GGTA1: variants seen among roughly 807,000 people sequenced by gnomAD.
The protein encoded by GGTA1 is glycoprotein alpha-galactosyltransferase 1 (inactive).
A neutral mutation model predicts 2.6 loss-of-function variants in GGTA1; 5 were observed. That is an observed-to-expected ratio of 1.92 (90% CI 1.00 to 4.04). The LOEUF (loss-of-function observed/expected upper bound fraction) is 4.04. Ranked by LOEUF, GGTA1 falls within the 30% of genes most tolerant of loss-of-function variation. GGTA1 has a pLI of 0.00. For missense variants in GGTA1, 50 were observed against 16.7 expected, an observed-to-expected ratio of 2.99 and a Z score of -3.47; for synonymous variants, 17 against 5.0, an observed-to-expected ratio of 3.38 and a Z score of -3.19.
chr9:121,449,031 T>G (rs1238575526), intron 7 of GGTA1, among the ~76,000 whole-genome samples: 3 of 152,250 alleles, frequency 2.0e-5, no homozygotes, highest in Non-Finnish European at 2.9e-5. Flanking sequence ...CTCCATAGTT[T>G]TACCTTTTCC....
intron 1 of GGTA1, among the ~76,000 whole-genome samples, chr9:121,493,316 C>T (rs1828912381): frequency 2.0e-5 from 3 of 152,098 alleles, no homozygotes; most frequent in Non-Finnish European, 4.4e-5. Flanking sequence ...CCTCCATTCC[C>T]TACCTGTGCC....
At chr9:121,456,669 GCCT>G (rs1347624290) in intron 5 of GGTA1, among the ~76,000 whole-genome samples, 1 of 152,102 alleles carries the variant, frequency 6.6e-6, no homozygotes, top group Non-Finnish European at 1.5e-5. Context: ...ACCCACCTTG[GCCT>G]CCCAAAGTGC....
chr9:121,453,082 C>T (rs529036002), downstream of GGTA1, among the ~76,000 whole-genome samples: 8 of 152,308 alleles, frequency 5.3e-5, no homozygotes, highest in South Asian at 1.7e-3. Flanking sequence ...TTCCATTTGC[C>T]TTTTGCTAGA....
chr9:121,453,461 G>A (rs999300849), downstream of GGTA1, among the ~76,000 whole-genome samples: 6 of 147,788 alleles, frequency 4.1e-5, no homozygotes, highest in African/African-American at 1.5e-4. Flanking sequence ...TGAGGGTGAA[G>A]CTCCAGGCAG....
chr9:121,485,595 G>T (rs532938486), intron 1 of GGTA1, among the ~76,000 whole-genome samples: 5 of 152,292 alleles, frequency 3.3e-5, no homozygotes, highest in East Asian at 3.9e-4. Flanking sequence ...TGAAGACAAG[G>T]TTCCCCAAAC....
chr9:121,477,634 G>A (rs529808247), intron 1 of GGTA1, among the ~76,000 whole-genome samples: 1 of 131,038 alleles, frequency 7.6e-6, no homozygotes, highest in South Asian at 2.4e-4. Flanking sequence ...GGAGTGCAGT[G>A]GCACAATCCC....
chr9:121,474,080 G>C (rs1029494498), intron 1 of GGTA1, among the ~76,000 whole-genome samples: 2 of 152,028 alleles, frequency 1.3e-5, no homozygotes, highest in South Asian at 2.1e-4. Context: ...TCCTTTCAAG[G>C]GGTGGAGCAC....
chr9:121,481,528 C>G (rs1231783305), intron 1 of GGTA1, among the ~76,000 whole-genome samples: 2 of 150,692 alleles, frequency 1.3e-5, no homozygotes, highest in African/African-American at 2.4e-5. Context: ...ACTAAAAATA[C>G]AAAAATTAGC....
chr9:121,472,873 C>T (rs765447568), intron 1 of GGTA1, among the ~76,000 whole-genome samples: 1 of 152,176 alleles, frequency 6.6e-6, no homozygotes, highest in Non-Finnish European at 1.5e-5. Context: ...TCAGACATAC[C>T]TCCAAATCCC....
chr9:121,447,449 C>A (rs10985245), exon 8 of GGTA1: 8,747 of 152,620 alleles, frequency 0.057, 272 homozygotes, highest in East Asian at 0.11. Flanking sequence ...GGCTTGACCT[C>A]AAACATTTTG....
intron 3 of GGTA1, 106 bp from the exon 4 acceptor site, chr9:121,461,423 AC>A (rs2064960146): frequency 2.6e-6 from 1 of 388,084 alleles, no homozygotes; most frequent in East Asian, 7.3e-5. Flanking sequence ...AAAATAAAAA[AC>A]CTTAAAATGC....
At chr9:121,455,898 C>A (rs1336530635) in intron 5 of GGTA1, 57 bp from the exon 6 acceptor site, 13 of 450,622 alleles carry the variant, frequency 2.9e-5, no homozygotes, top group East Asian at 2.1e-4. Context: ...TTAAAATATT[C>A]TATTTCCCAG....
chr9:121,488,406 G>A (rs1297383699), intron 1 of GGTA1, among the ~76,000 whole-genome samples: 1 of 152,074 alleles, frequency 6.6e-6, no homozygotes, highest in Non-Finnish European at 1.5e-5. Flanking sequence ...CAAACGCAAG[G>A]GTTATAAGAC....
At chr9:121,496,757 A>AAGAGAGAG (rs1564659495) in intron 1 of GGTA1, among the ~76,000 whole-genome samples, 1 of 111,918 alleles carries the variant, frequency 8.9e-6, no homozygotes, top group Non-Finnish European at 2.1e-5. Context: ...AAAAAAAAAA[A>AAGAGAGAG]AGAGAGAGAG....
chr9:121,477,378 C>T (rs543364980), intron 1 of GGTA1, among the ~76,000 whole-genome samples: 18 of 152,196 alleles, frequency 1.2e-4, no homozygotes, highest in African/African-American at 4.1e-4. Context: ...AGTATGTAGC[C>T]CAAACATGAC....
At chr9:121,454,083 CAG>C (rs924198816), downstream of GGTA1, among the ~76,000 whole-genome samples, 1 of 152,126 alleles carries the variant, frequency 6.6e-6, no homozygotes, top group African/African-American at 2.4e-5. Flanking sequence ...AGATGGCAGA[CAG>C]GGGAAACACT....
intron 1 of GGTA1, chr9:121,479,231 C>A: frequency 2.5e-6 from 1 of 408,086 alleles, no homozygotes. Flanking sequence ...ATACCTCCTG[C>A]CGCTTTCACC....
intron 4 of GGTA1, 32 bp from the exon 5 acceptor site, chr9:121,460,251 G>T: frequency 4.4e-6 from 2 of 456,968 alleles, no homozygotes; most frequent in Non-Finnish European, 8.8e-6. Flanking sequence ...ACCAGGTAAG[G>T]CAGGGAAGGT....
Position 121,449,661 on chromosome 9 carries a change from G to A in GGTA1, c.*119-2064C>T, listed in dbSNP as rs142412098. Among the ~76,000 whole-genome samples, 1,270 of 152,164 alleles carry A rather than the reference G, an allele frequency of 8.3e-3. 19 individuals are homozygous for A. Among genetic ancestry groups the A allele is most frequent in the African/African-American group, 0.029 (1,210 of 41,514 alleles). ...TTGAGACCAGCCTGGCCAATATGAT[G>A]AAACCCCATCTCTACTAAAAATACA... is the stretch of plus-strand genomic sequence containing the variant. On this transcript the variant is annotated intron_variant and NMD_transcript_variant, in intron 7 of 7. Coordinates refer to the GGTA1 transcript ENST00000481534.
Sources: allele counts gnomAD v4.1 joint callset (sites outside exome capture counted in the v4.1 genomes callset), GRCh38; gene constraint gnomAD v4.1.1; transcripts MANE v1.5; gene names NCBI Gene and HGNC (gene_info 2026-07-23, HGNC 2026-07-21).